Variants in CEP112 observed in about 807,000 individuals in gnomAD.
CEP112 encodes the protein centrosomal protein of 112 kDa.
In CEP112, 127 loss-of-function variants were observed where a neutral mutation model predicts 153.0. That is an observed-to-expected ratio of 0.83 (90% CI 0.72 to 0.96). The LOEUF (loss-of-function observed/expected upper bound fraction) is 0.96. CEP112 is among the 40% of genes least tolerant of loss of function. The pLI is 0.00. For synonymous variants in CEP112, 358 were observed against 374.4 expected (o/e 0.96, Z 0.51); for missense variants, 1,089 against 1,101.2 (o/e 0.99, Z 0.16).
At chr17:65,891,348 A>T (rs956178216) in intron 20 of CEP112, among the ~76,000 whole-genome samples, 2 of 152,130 alleles carry the variant, frequency 1.3e-5, no homozygotes, top group Non-Finnish European at 2.9e-5. Flanking sequence ...CAACCTGCAT[A>T]TCCAACTCGC....
chr17:65,772,820 T>C (rs2053452632), intron 21 of CEP112, among the ~76,000 whole-genome samples: 1 of 152,104 alleles, frequency 6.6e-6, no homozygotes, highest in Non-Finnish European at 1.5e-5. Context: ...CACAGGGTGT[T>C]ATTAAGGAAA....
At chr17:65,739,597 G>A (rs570985929) in intron 23 of CEP112, among the ~76,000 whole-genome samples, 3 of 152,110 alleles carry the variant, frequency 2.0e-5, no homozygotes, top group East Asian at 1.9e-4. Flanking sequence ...TTAGCCAGGC[G>A]TGGTGGTGGG....
intron 17 of CEP112, among the ~76,000 whole-genome samples, chr17:65,969,070 T>G (rs932330598): frequency 5.1e-4 from 66 of 129,482 alleles, no homozygotes; most frequent in Non-Finnish European, 3.3e-4. Flanking sequence ...TTTTGTTTTT[T>G]TGTGTGTGTG....
intron 18 of CEP112, among the ~76,000 whole-genome samples, chr17:65,955,231 T>C (rs1307842788): frequency 6.6e-6 from 1 of 152,112 alleles, no homozygotes; most frequent in Non-Finnish European, 1.5e-5. Flanking sequence ...AACAAAACAA[T>C]TATTAGCCAA....
rs369991899 is a variant in CEP112 at position 65,893,166 on chromosome 17, C to T, written c.2163+8986G>A. ...ACAGAGCCACAGTTATCCAGTGAAACGACACACACACTCCTCGAGACTAGT... is the reference window on the plus strand; with the variant it reads ...ACAGAGCCACAGTTATCCAGTGAAATGACACACACACTCCTCGAGACTAGT... On this transcript the variant is annotated intron_variant, in intron 20 of 26. Coordinates refer to ENST00000535342, the MANE Select transcript of CEP112 (RefSeq NM_001199165.4). Among the ~76,000 whole-genome samples the T allele has an allele frequency of 9.2e-5, 14 of 151,934 alleles. No homozygotes were observed. The East Asian group carries it at 1.2e-3, about 13-fold the overall frequency.
At chr17:66,096,077 A>G (rs2068333743) in intron 8 of CEP112, among the ~76,000 whole-genome samples, 174 bp downstream of exon 8, 1 of 152,130 alleles carries the variant, frequency 6.6e-6, no homozygotes, top group Non-Finnish European at 1.5e-5. Context: ...AACAAAAACA[A>G]AAAACAAAAC....
intron 17 of CEP112, among the ~76,000 whole-genome samples, chr17:65,986,646 A>G (rs2063418228): frequency 6.6e-6 from 1 of 152,224 alleles, no homozygotes; most frequent in Non-Finnish European, 1.5e-5. Flanking sequence ...AAACAATCTG[A>G]GTTCAAAACA....
chr17:65,669,835 G>A (rs1030816301), intron 24 of CEP112, among the ~76,000 whole-genome samples: 2 of 151,856 alleles, frequency 1.3e-5, no homozygotes, highest in South Asian at 2.1e-4. Context: ...CCCGGGAGGC[G>A]GAGGTTGCGG....
At chr17:65,714,252 A>C (rs1567903869) in intron 23 of CEP112, among the ~76,000 whole-genome samples, 1 of 152,090 alleles carries the variant, frequency 6.6e-6, no homozygotes, top group Non-Finnish European at 1.5e-5. Context: ...CTTCATGTAC[A>C]TATGTACATA....
intron 2 of CEP112, among the ~76,000 whole-genome samples, chr17:66,177,382 G>T (rs1452910682): frequency 2.0e-5 from 3 of 152,238 alleles, no homozygotes; most frequent in African/African-American, 7.2e-5. Context: ...CAAATGCAAA[G>T]AAATATTTTC....
At chr17:65,753,642 T>C (rs574711134) in intron 21 of CEP112, among the ~76,000 whole-genome samples, 1 of 152,210 alleles carries the variant, frequency 6.6e-6, no homozygotes, top group Non-Finnish European at 1.5e-5. Context: ...GGTTTATTTG[T>C]CTTGGCTCAC....
chr17:66,025,627 CTAT>C (rs1214786436), intron 16 of CEP112, among the ~76,000 whole-genome samples: 1 of 151,972 alleles, frequency 6.6e-6, no homozygotes, highest in Admixed American at 6.6e-5. Context: ...GTCAGAATGG[CTAT>C]TATTAACAAG....
chr17:65,773,694 A>G (rs930920949), intron 21 of CEP112, among the ~76,000 whole-genome samples: 18 of 152,290 alleles, frequency 1.2e-4, no homozygotes, highest in African/African-American at 4.3e-4. Context: ...TTTGCACATT[A>G]CCTGGATATT....
intron 17 of CEP112, among the ~76,000 whole-genome samples, chr17:65,997,737 A>T (rs1354221869): frequency 6.6e-6 from 1 of 151,696 alleles, no homozygotes; most frequent in East Asian, 1.9e-4. Flanking sequence ...ATGTTTTTAT[A>T]TAAATATAAT....
At chr17:65,824,355 C>G (rs1173029165) in intron 21 of CEP112, among the ~76,000 whole-genome samples, 1 of 152,102 alleles carries the variant, frequency 6.6e-6, no homozygotes, top group African/African-American at 2.4e-5. Context: ...AAAAGGAGAA[C>G]CTATGGTCAC....
intron 4 of CEP112, among the ~76,000 whole-genome samples, chr17:66,133,087 CA>C (rs202109985): frequency 0.014 from 1,715 of 126,950 alleles, 22 homozygotes; most frequent in African/African-American, 0.039. Flanking sequence ...TGTTCCACAT[CA>C]AAAAAAAAAA....
Position 65,902,316 on chromosome 17 carries a change from C to T in CEP112, c.1999G>A (p.Glu667Lys). ...YEQQIVELKL[E>K]HEQEKTHLLQ... The stretch of plus-strand genomic sequence containing the variant: ...AGGTGCGTCTTCTCCTGTTCATGCT[C>T]CAGCTTCAGCTCTACTATCTGATTG... Residue 667 changes from glutamate to lysine, a missense_variant, in exon 20 of 27, where the codon GAG (glutamate) becomes AAG (lysine). Glu to Lys is a moderately conservative substitution (Grantham distance 56, BLOSUM62 1). Coordinates refer to ENST00000535342, the MANE Select transcript of CEP112 (RefSeq NM_001199165.4). The T allele has an allele frequency of 8.1e-6, 13 of 1,612,936 alleles. 1 individual carries two copies. Among genetic ancestry groups the T allele is most frequent in the South Asian group, 2.2e-5 (2 of 90,776 alleles).
At chr17:65,984,047 C>T (rs531473254) in intron 17 of CEP112, among the ~76,000 whole-genome samples, 6 of 152,244 alleles carry the variant, frequency 3.9e-5, no homozygotes, top group African/African-American at 1.4e-4. Context: ...ATTTAAGATA[C>T]TCTACAACAT....
intron 21 of CEP112, among the ~76,000 whole-genome samples, chr17:65,808,584 T>C (rs867346792): frequency 5.3e-4 from 80 of 152,222 alleles, no homozygotes; most frequent in African/African-American, 1.8e-3. Context: ...GACTTCCCCC[T>C]TGCTGTTCTT....
Sources: allele counts gnomAD v4.1 joint callset (sites outside exome capture counted in the v4.1 genomes callset), GRCh38; gene constraint gnomAD v4.1.1; transcripts MANE v1.5; gene names NCBI Gene and HGNC (gene_info 2026-07-23, HGNC 2026-07-21).